The following IL6R variants were observed in gnomAD, a reference collection of about 807,000 sequenced individuals.
The protein encoded by IL6R is interleukin-6 receptor subunit alpha.
In IL6R, 38 loss-of-function variants were observed where a neutral mutation model predicts 48.3. The observed-to-expected ratio is 0.79, with a 90% CI of 0.61 to 1.03. The LOEUF is 1.03. IL6R is among the 50% of genes least tolerant of loss of function. The probability of loss-of-function intolerance (pLI) is 0.00; values close to 1 mark genes in which losing one functional copy is unlikely to be tolerated. For synonymous variants in IL6R, 264 were observed against 256.2 expected, an observed-to-expected ratio of 1.03 and a Z score of -0.29; for missense variants, 534 against 618.3, an observed-to-expected ratio of 0.86 and a Z score of 1.45.
intron 1 of IL6R, among the ~76,000 whole-genome samples, chr1:154,420,557 C>T (rs937253359): frequency 5.6e-5 from 8 of 141,978 alleles, no homozygotes; most frequent in East Asian, 1.9e-4. Context: ...GAAGGAGTCT[C>T]GCCCAGGCTG....
chr1:154,435,278 G>T, intron 5 of IL6R, 122 bp downstream of exon 5: 1 of 851,804 alleles, frequency 1.2e-6, no homozygotes, highest in Non-Finnish European at 1.8e-6. Context: ...GGGAGGCCAA[G>T]GTGGGCGAAT....
chr1:154,454,916 G>C (rs559240555), intron 9 of IL6R, among the ~76,000 whole-genome samples: 3 of 151,996 alleles, frequency 2.0e-5, no homozygotes, highest in Admixed American at 6.6e-5. Context: ...GAAAGAAGAG[G>C]GTTCTTTTTT....
At chr1:154,425,388 C>T (rs191488062) in intron 1 of IL6R, among the ~76,000 whole-genome samples, 8 of 152,140 alleles carry the variant, frequency 5.3e-5, no homozygotes, top group Admixed American at 3.9e-4. Context: ...TGGGAATGAC[C>T]GCAAACCTCC....
chr1:154,437,196 A>T (rs994749215), intron 6 of IL6R, among the ~76,000 whole-genome samples: 1 of 152,126 alleles, frequency 6.6e-6, no homozygotes, highest in African/African-American at 2.4e-5. Context: ...TTCCAGGTTC[A>T]TGCCATTCTC....
At chr1:154,430,000 C>T (rs1053298640) in intron 2 of IL6R, among the ~76,000 whole-genome samples, 10 of 152,134 alleles carry the variant, frequency 6.6e-5, no homozygotes, top group African/African-American at 1.9e-4. Context: ...CCCTGTGTGT[C>T]GAGCCCTATG....
intron 6 of IL6R, among the ~76,000 whole-genome samples, chr1:154,447,504 T>TATACACACATAC (rs1558323616): frequency 2.3e-5 from 2 of 87,396 alleles, no homozygotes; most frequent in African/African-American, 1.1e-4. Context: ...CACACACACA[T>TATACACACATAC]ATATATATAC....
At chr1:154,422,758 G>C (rs1006894857) in intron 1 of IL6R, among the ~76,000 whole-genome samples, 7 of 152,242 alleles carry the variant, frequency 4.6e-5, no homozygotes, top group African/African-American at 1.4e-4. Context: ...CCGTCTCCTA[G>C]GGCCTACTAT....
intron 1 of IL6R, chr1:154,414,224 C>G (rs1558298842): frequency 2.2e-6 from 1 of 456,218 alleles, no homozygotes; most frequent in Admixed American, 3.7e-5. Context: ...TTGTGTCATA[C>G]TTAATAACAT....
Position 154,430,568 on chromosome 1 carries a change from A to G in IL6R, c.420A>G (p.Pro140=). Residue 140 remains proline, a synonymous_variant, in exon 3 of 10, where the codon CCA becomes CCG. Transcript: ENST00000368485. The stretch of plus-strand genomic sequence containing the variant: ...GTGAGTGGGGTCCTCGGAGCACCCC[A>G]TCCCTGACGACAAAGGCTGTGCTCT... ...VVCEWGPRST[P]SLTTKAVLLV... 1 of 1,613,984 alleles carries G rather than the reference A, an allele frequency of 6.2e-7. No individual in the cohort carries two copies. The highest frequency in any genetic ancestry group is 8.5e-7 in the Non-Finnish European group (1 of 1,179,972).
At chr1:154,414,351 GT>G in intron 1 of IL6R, 1 of 1,319,866 alleles carries the variant, frequency 7.6e-7, no homozygotes, top group East Asian at 2.5e-5. Context: ...GCCCCACCCT[GT>G]GCCTGGTGGG....
At chr1:154,428,264 A>ATT (rs1207817392) in intron 1 of IL6R, among the ~76,000 whole-genome samples, 1 of 149,174 alleles carries the variant, frequency 6.7e-6, no homozygotes, top group Non-Finnish European at 1.5e-5. Flanking sequence ...TAGAGAATGC[A>ATT]TTTTTTTTTT....
rs529412130 is a variant in IL6R, at chr1:154,417,641, C to T, written c.86-11555C>T. 2.0e-5 allele frequency among the ~76,000 whole-genome samples: 3 copies of T among 152,132 alleles called. No individual in the cohort carries two copies. The East Asian group carries it at 5.8e-4, about 29-fold the overall frequency. On this transcript the variant is annotated intron_variant, in intron 1 of 9. Transcript: ENST00000368485. ...GTGGAGTGCAGTGGTGCGATCTCGG[C>T]TCACTGCAAACTCCATCTCCGGGGT... is the stretch of plus-strand genomic sequence containing the variant.
intron 1 of IL6R, chr1:154,414,862 G>A: frequency 1.3e-6 from 1 of 771,288 alleles, no homozygotes; most frequent in South Asian, 1.4e-5. Flanking sequence ...CATGTAGGCT[G>A]ACTGGGGAAG....
At chr1:154,461,669 T>C (rs1360438599) in intron 9 of IL6R, among the ~76,000 whole-genome samples, 2 of 152,272 alleles carry the variant, frequency 1.3e-5, no homozygotes, top group Non-Finnish European at 2.9e-5. Flanking sequence ...ATTTGTATTA[T>C]GACTATTCTT....
intron 6 of IL6R, among the ~76,000 whole-genome samples, chr1:154,446,240 C>T (rs891318459): frequency 6.6e-6 from 1 of 152,176 alleles, no homozygotes; most frequent in Non-Finnish European, 1.5e-5. Context: ...GTCGCACTTG[C>T]TGTGCGGCCT....
chr1:154,420,457 G>C lies in IL6R; in HGVS notation c.86-8739G>C, dbSNP rs372517604. 1.9e-4 allele frequency among the ~76,000 whole-genome samples: 29 copies of C among 151,880 alleles called. No individual in the cohort carries two copies. In the East Asian group the frequency reaches 5.5e-3, roughly 29 times the overall value. ...AACTCAGGTCACCTGACAGCACAGA[G>C]CTGTTTCCTCTACACCAAGGGGCCT... On this transcript the variant is annotated intron_variant, in intron 1 of 9. Coordinates refer to ENST00000368485, the MANE Select transcript of IL6R (RefSeq NM_000565.4).
intron 1 of IL6R, among the ~76,000 whole-genome samples, chr1:154,424,694 C>T (rs1483694345): frequency 2.0e-5 from 3 of 152,188 alleles, no homozygotes; most frequent in Non-Finnish European, 2.9e-5. Flanking sequence ...CATTCAGGCA[C>T]TGATGGACTT....
In IL6R at chr1:154,405,343, A is replaced by C; in HGVS notation, c.-287A>C. 4.4e-6 allele frequency: 2 copies of C among 456,278 alleles called. No homozygotes were observed. The highest frequency in any genetic ancestry group is 7.8e-6 in the Non-Finnish European group (2 of 257,326). 28.3% of individuals were successfully genotyped at this position (456,278 alleles called of 1,614,324 possible). On this transcript the variant is annotated 5_prime_UTR_variant, in exon 1 of 10. Transcript: ENST00000368485. This position sits in a 1 kb window ranked among gnomAD's most constrained non-coding sequence, Gnocchi z 5.2. Reference sequence around the variant, plus strand: ...AGAGACGCTCCAGCGCGAGTTCCTCAAATGTTTTCCTGCGTTGCCAGGACC... The same window carrying C: ...AGAGACGCTCCAGCGCGAGTTCCTCCAATGTTTTCCTGCGTTGCCAGGACC...
intron 6 of IL6R, among the ~76,000 whole-genome samples, chr1:154,444,809 G>A (rs1690125354): frequency 6.6e-6 from 1 of 152,096 alleles, no homozygotes. Context: ...AGGCTGAGGT[G>A]GAAGGATCAC....
Sources: allele counts gnomAD v4.1 joint callset (sites outside exome capture counted in the v4.1 genomes callset), GRCh38; gene constraint gnomAD v4.1.1; non-coding constraint Gnocchi (gnomAD v3.1); transcripts MANE v1.5; gene names NCBI Gene and HGNC (gene_info 2026-07-23, HGNC 2026-07-21).